CACNA2D3: variants seen among roughly 807,000 people sequenced by gnomAD.
The protein encoded by CACNA2D3 is calcium voltage-gated channel auxiliary subunit alpha2delta 3.
A neutral mutation model predicts 160.6 loss-of-function variants in CACNA2D3; 60 were observed. The ratio of observed to expected loss-of-function variants is 0.37; its 90% confidence interval spans 0.30 to 0.46. CACNA2D3 has a LOEUF of 0.46. CACNA2D3 is among the 20% of genes least tolerant of loss of function. The pLI, the probability that CACNA2D3 is intolerant of heterozygous loss-of-function variation, is 1.00. For missense variants in CACNA2D3, 1,205 were observed against 1,365.0 expected (o/e 0.88, Z 1.85); for synonymous variants, 558 against 492.9 (o/e 1.13, Z -1.75).
In CACNA2D3 at chr3:54,687,197, A is replaced by G. The variant is rs182693086; in HGVS notation, c.1167+44956A>G. ...ACCCTGTCACCCAGGCTGGAGTGCA[A>G]TGGTGCCATCTCGGCTCACTGCAGC... On this transcript the variant is annotated intron_variant, in intron 11 of 37. Coordinates refer to ENST00000474759, the MANE Select transcript of CACNA2D3 (RefSeq NM_018398.3). 9.2e-5 allele frequency among the ~76,000 whole-genome samples: 13 copies of G among 140,760 alleles called. No homozygotes were observed. In the East Asian group the frequency reaches 1.5e-3, roughly 17 times the overall value. 92.3% of individuals were successfully genotyped at this position (140,760 alleles called of 152,430 possible).
chr3:54,289,973 A>C (rs1703144135), intron 2 of CACNA2D3, among the ~76,000 whole-genome samples: 1 of 151,296 alleles, frequency 6.6e-6, no homozygotes, highest in Admixed American at 6.6e-5. Context: ...AAACGTAGGC[A>C]TTACCATTCA....
chr3:54,736,120 C>CATATATGTATATATATACAT (rs1701522115), intron 11 of CACNA2D3, among the ~76,000 whole-genome samples: 6 of 46,004 alleles, frequency 1.3e-4, no homozygotes, highest in Admixed American at 5.3e-4. Flanking sequence ...TATATATATA[C>CATATATGTATATATATACAT]ATATATATAT....
chr3:54,359,752 A>G (rs1698710812), intron 3 of CACNA2D3, among the ~76,000 whole-genome samples: 1 of 152,186 alleles, frequency 6.6e-6, no homozygotes, highest in Non-Finnish European at 1.5e-5. Flanking sequence ...TGAAGCTGGC[A>G]CTTCCCAAGC....
At chr3:54,192,032 A>AGTT (rs1700994112) in intron 2 of CACNA2D3, among the ~76,000 whole-genome samples, 1 of 151,690 alleles carries the variant, frequency 6.6e-6, no homozygotes, top group East Asian at 1.9e-4. Flanking sequence ...CTTCTAGCAC[A>AGTT]TTCATGGTCT....
chr3:54,492,049 C>G (rs533732725), intron 4 of CACNA2D3, among the ~76,000 whole-genome samples: 57 of 152,172 alleles, frequency 3.7e-4, no homozygotes, highest in Admixed American at 5.9e-4. Context: ...TGAAGCTTTG[C>G]TCTACATGGT....
rs1411508942 is a variant in CACNA2D3, at chr3:55,074,172, T to G, written c.3242T>G (p.Leu1081Arg). Residue 1081 changes from leucine (L) to arginine (R), a missense_variant, in exon 38 of 38, where the codon CTG becomes CGG. Around this residue, in one of 3 missense-constraint regions of CACNA2D3, gnomAD observed 911 missense variants for 1,002.2 expected, o/e 0.91. Coordinates refer to ENST00000474759, the MANE Select transcript of CACNA2D3 (RefSeq NM_018398.3). Reference sequence around the variant, plus strand: ...CTCCAAGCCCAGACAGTCCTCCTTCTGCTCCCTCTGCTTTTGATGCTCTTC... The same window carrying G: ...CTCCAAGCCCAGACAGTCCTCCTTCGGCTCCCTCTGCTTTTGATGCTCTTC... ...PSLQAQTVLL[L>R]LPLLLMLFSR 2.5e-6 allele frequency: 4 copies of G among 1,613,688 alleles called. No individual in the cohort carries two copies. The highest frequency in any genetic ancestry group is 3.4e-6 in the Non-Finnish European group (4 of 1,179,766).
intron 35 of CACNA2D3, among the ~76,000 whole-genome samples, chr3:55,022,585 TCC>T (rs374285842): frequency 0.016 from 2,395 of 149,552 alleles, 84 homozygotes; most frequent in African/African-American, 0.057. Flanking sequence ...CTTCCTTCCT[TCC>T]TTTTTTCCTT....
At chr3:54,482,659 A>G (rs1049425063) in intron 4 of CACNA2D3, among the ~76,000 whole-genome samples, 32 of 152,214 alleles carry the variant, frequency 2.1e-4, no homozygotes, top group African/African-American at 5.5e-4. Flanking sequence ...CAAACAAACC[A>G]GAAACCTCAG....
At chr3:54,428,256 C>G (rs953271698) in intron 4 of CACNA2D3, among the ~76,000 whole-genome samples, 1 of 152,304 alleles carries the variant, frequency 6.6e-6, no homozygotes, top group East Asian at 1.9e-4. Context: ...TCTTCGTAAG[C>G]GTGAAACTTG....
chr3:54,834,070 T>TA (rs1228864416), intron 14 of CACNA2D3, among the ~76,000 whole-genome samples: 2 of 152,210 alleles, frequency 1.3e-5, no homozygotes, highest in East Asian at 3.8e-4. Flanking sequence ...ATGCAGTAAT[T>TA]ACATTTGGAA....
At chr3:54,745,343 C>T (rs909087245) in intron 11 of CACNA2D3, among the ~76,000 whole-genome samples, 3 of 151,654 alleles carry the variant, frequency 2.0e-5, no homozygotes, top group Non-Finnish European at 4.4e-5. Flanking sequence ...GGTATGACCT[C>T]GAGTGTGAGA....
chr3:54,497,515 C>T (rs1701220524), intron 4 of CACNA2D3, among the ~76,000 whole-genome samples: 1 of 151,704 alleles, frequency 6.6e-6, no homozygotes, highest in Non-Finnish European at 1.5e-5. Flanking sequence ...ATGTGAATTC[C>T]TTAGGATTTT....
intron 13 of CACNA2D3, chr3:54,789,930 C>T: frequency 4.0e-6 from 2 of 494,458 alleles, no homozygotes; most frequent in South Asian, 1.5e-5. Context: ...TTTTGAGATT[C>T]ACCCTCTGTG....
rs1703058275 is a variant in CACNA2D3 at position 55,004,889 on chromosome 3, C to G, written c.2766+51C>G. 3.9e-6 allele frequency: 5 copies of G among 1,292,136 alleles called. No individual in the cohort carries two copies. In the South Asian group the frequency reaches 4.8e-5, roughly 12 times the overall value. The allele number at this position is 1,292,136 out of a possible 1,614,324, so 80.0% of individuals were successfully genotyped here. ...AACAGCCACACATTTCTGTCTTTCTCCCTGTCTGAGTGTTATCTTCCTCTT... is the reference window on the plus strand; with the variant it reads ...AACAGCCACACATTTCTGTCTTTCTGCCTGTCTGAGTGTTATCTTCCTCTT... On this transcript the variant is annotated intron_variant, in intron 32 of 37. Coordinates refer to ENST00000474759, the MANE Select transcript of CACNA2D3 (RefSeq NM_018398.3).
intron 8 of CACNA2D3, among the ~76,000 whole-genome samples, chr3:54,576,336 T>G (rs552529391): frequency 4.6e-5 from 7 of 152,206 alleles, no homozygotes; most frequent in Non-Finnish European, 1.0e-4. Context: ...TCTACACTAA[T>G]GCAGAAGCTC....
In CACNA2D3 at chr3:54,703,376, C is replaced by T. The variant is rs184983556; in HGVS notation, c.1168-49223C>T. Among the ~76,000 whole-genome samples, 378 of 152,206 alleles carry T rather than the reference C, an allele frequency of 2.5e-3. 3 individuals are homozygous for T. Among genetic ancestry groups the T allele is most frequent in the African/African-American group, 8.7e-3 (362 of 41,532 alleles). Reference sequence around the variant, plus strand: ...ATTTACTTATAAGAATTTTACAGGCCTAATCCTACTCAAACAAACTAAATG... The same window carrying T: ...ATTTACTTATAAGAATTTTACAGGCTTAATCCTACTCAAACAAACTAAATG... On this transcript the variant is annotated intron_variant, in intron 11 of 37. Coordinates refer to ENST00000474759, the MANE Select transcript of CACNA2D3 (RefSeq NM_018398.3).
chr3:54,298,564 C>T (rs575967524), intron 2 of CACNA2D3, among the ~76,000 whole-genome samples: 7 of 152,148 alleles, frequency 4.6e-5, no homozygotes, highest in South Asian at 4.2e-4. Flanking sequence ...TTTGGGAGGC[C>T]GAAGTGGGTG....
intron 4 of CACNA2D3, among the ~76,000 whole-genome samples, chr3:54,494,572 A>G (rs1701173603): frequency 6.6e-6 from 1 of 152,198 alleles, no homozygotes; most frequent in Non-Finnish European, 1.5e-5. Flanking sequence ...GTTCTATGAA[A>G]CGATGGAGTG....
At chr3:54,762,432 G>A (rs996942156) in intron 12 of CACNA2D3, among the ~76,000 whole-genome samples, 4 of 152,116 alleles carry the variant, frequency 2.6e-5, no homozygotes, top group Non-Finnish European at 5.9e-5. Context: ...ACATTTGATT[G>A]GCTGTGCCTG....
Sources: gnomAD v4.1 joint callset for allele counts (sites outside exome capture counted in the v4.1 genomes callset) on GRCh38, gnomAD v4.1.1 for gene constraint, gnomAD v4.1.1 regional missense constraint, MANE v1.5 for transcripts, NCBI Gene and HGNC (gene_info 2026-07-23, HGNC 2026-07-21) for gene names.